Variants in AADACL4 observed in about 807,000 individuals in gnomAD.
AADACL4 encodes arylacetamide deacetylase-like 4.
In AADACL4, 9 loss-of-function variants were observed where a neutral mutation model predicts 14.1. That is an observed-to-expected ratio of 0.64 (90% CI 0.39 to 1.12). The LOEUF is 1.12. Among genes scored for constraint, AADACL4 ranks in the 50% most tolerant of loss-of-function variants. The pLI, the probability that AADACL4 is intolerant of heterozygous loss-of-function variation, is 0.01. For missense variants in AADACL4, 531 were observed against 516.1 expected, an observed-to-expected ratio of 1.03 and a Z score of -0.28; for synonymous variants, 188 against 201.6, an observed-to-expected ratio of 0.93 and a Z score of 0.57.
rs777508203 is a variant in AADACL4 at position 12,666,008 on chromosome 1, G to C, written c.497G>C (p.Cys166Ser). 17 of 1,613,930 alleles carry C rather than the reference G, an allele frequency of 1.1e-5. No individual in the cohort carries two copies. In the South Asian group the frequency reaches 1.9e-4, roughly 18 times the overall value. The change falls in exon 4 of 4, where the codon TGC (cysteine) becomes TCC (serine). Residue 166 changes from cysteine (C) to serine (S), a missense_variant. By Grantham distance (112) the Cys-to-Ser change is moderately radical (BLOSUM62 -1). Transcript: ENST00000376221. ...DHHSPALFQD[C>S]MNASIHFLKA... ...CATTCCCCTGCCCTTTTCCAAGACT[G>C]CATGAATGCCTCCATTCACTTCCTG...
chr1:12,644,850 G>A (rs1647099900), intron 1 of AADACL4, 136 bp downstream of exon 1: 2 of 982,930 alleles, frequency 2.0e-6, no homozygotes, highest in Admixed American at 4.7e-5. Context: ...TGTCTCTTCT[G>A]TATCTGCTAT....
Position 12,666,983 on chromosome 1 carries a change from T to A in AADACL4, c.*248T>A. The A allele has an allele frequency of 2.1e-6, 1 of 473,324 alleles. No homozygotes were observed. Among genetic ancestry groups the A allele is most frequent in the Non-Finnish European group, 3.7e-6 (1 of 272,612 alleles). The allele number at this position is 473,324 out of a possible 1,614,324, so 29.3% of individuals were successfully genotyped here. A position where few individuals can be genotyped will look rare whatever the true frequency, so the allele number is the denominator to read the frequency against. On this transcript the variant is annotated 3_prime_UTR_variant, in exon 4 of 4. Coordinates refer to ENST00000376221, the MANE Select transcript of AADACL4 (RefSeq NM_001013630.2). ...ACATTCTCTAACATTCCCATTTAGGTGAAATAAATATCAAAAGGAGAAAAA... is the reference window on the plus strand; with the variant it reads ...ACATTCTCTAACATTCCCATTTAGGAGAAATAAATATCAAAAGGAGAAAAA...
intron 1 of AADACL4, among the ~76,000 whole-genome samples, chr1:12,650,056 T>C (rs905525277): frequency 1.3e-5 from 2 of 152,214 alleles, no homozygotes; most frequent in Non-Finnish European, 2.9e-5. Flanking sequence ...AAGTTAATGA[T>C]CCAAGCCACT....
intron 3 of AADACL4, among the ~76,000 whole-genome samples, chr1:12,664,863 C>T (rs1442118055): frequency 6.6e-6 from 1 of 152,096 alleles, no homozygotes. Flanking sequence ...TTTAAAAGCT[C>T]ATTTTAAAGT....
intron 2 of AADACL4, among the ~76,000 whole-genome samples, chr1:12,659,170 G>C (rs980413883): frequency 1.2e-4 from 18 of 152,140 alleles, no homozygotes; most frequent in African/African-American, 4.3e-4. Flanking sequence ...ACCTGGTGGT[G>C]GGAGTGACGA....
chr1:12,662,681 A>G (rs1228167252), intron 3 of AADACL4, among the ~76,000 whole-genome samples: 1 of 152,208 alleles, frequency 6.6e-6, no homozygotes, highest in East Asian at 1.9e-4. Context: ...CTGCCTTTTT[A>G]GATTCTACCT....
chr1:12,652,227 C>T (rs545112340), intron 2 of AADACL4, among the ~76,000 whole-genome samples: 12 of 152,146 alleles, frequency 7.9e-5, no homozygotes, highest in Admixed American at 2.0e-4. Context: ...CAGCCTCACC[C>T]GGGTCACCTG....
chr1:12,650,939 T>G (rs183128761), intron 1 of AADACL4, among the ~76,000 whole-genome samples, 184 bp from the exon 2 acceptor site: 2 of 152,284 alleles, frequency 1.3e-5, no homozygotes, highest in East Asian at 3.9e-4. Context: ...GGGAGAAAAG[T>G]TGGAAAACCC....
At chr1:12,655,686 C>A (rs986541457) in intron 2 of AADACL4, among the ~76,000 whole-genome samples, 2 of 152,100 alleles carry the variant, frequency 1.3e-5, no homozygotes, top group African/African-American at 2.4e-5. Context: ...GGATGGCTAT[C>A]ATTTGGGCTT....
At chr1:12,644,750 G>T (rs975204985) in intron 1 of AADACL4, 36 bp downstream of exon 1, 1 of 1,602,846 alleles carries the variant, frequency 6.2e-7, no homozygotes, top group Non-Finnish European at 8.5e-7. Context: ...TAACCTGGGG[G>T]CTTCTTCTCT....
intron 1 of AADACL4, among the ~76,000 whole-genome samples, chr1:12,649,369 G>A (rs1308792447): frequency 6.6e-6 from 1 of 152,202 alleles, no homozygotes; most frequent in Non-Finnish European, 1.5e-5. Flanking sequence ...GACAGCTGGG[G>A]AGATTAGTGC....
chr1:12,644,528 T>A lies in AADACL4; in HGVS notation c.-19T>A. ...CAGACAAGCTCCTCAGGGCAGCAGC[T>A]CCTCAAGGCCCCAGGAACATGGCTG... is the stretch of plus-strand genomic sequence containing the variant. On this transcript the variant is annotated 5_prime_UTR_variant, in exon 1 of 4. Transcript: ENST00000376221. 1 of 1,612,300 alleles carries A rather than the reference T, an allele frequency of 6.2e-7. No homozygotes were observed. The highest frequency in any genetic ancestry group is 1.1e-5 in the South Asian group (1 of 90,826).
intron 3 of AADACL4, among the ~76,000 whole-genome samples, chr1:12,665,678 A>G (rs1399162563): frequency 6.6e-6 from 1 of 152,168 alleles, no homozygotes; most frequent in African/African-American, 2.4e-5. Flanking sequence ...TTTTGCTCCC[A>G]AAGCAAATAG....
At chr1:12,665,825 A>G in intron 3 of AADACL4, 136 bp from the exon 4 acceptor site, 1 of 1,008,178 alleles carries the variant, frequency 9.9e-7, no homozygotes, top group Non-Finnish European at 1.4e-6. Flanking sequence ...CAATGGGGAT[A>G]AAATCCTTAT....
intron 2 of AADACL4, among the ~76,000 whole-genome samples, chr1:12,661,399 T>C (rs995877708): frequency 2.6e-5 from 4 of 152,214 alleles, no homozygotes; most frequent in African/African-American, 9.6e-5. Flanking sequence ...ACTCTACTCA[T>C]AGAAACATCC....
At chr1:12,649,346 G>C (rs1252182224) in intron 1 of AADACL4, among the ~76,000 whole-genome samples, 1 of 152,194 alleles carries the variant, frequency 6.6e-6, no homozygotes, top group Non-Finnish European at 1.5e-5. Context: ...ACAGTGTGTG[G>C]GCAAACAGGG....
chr1:12,656,456 C>T (rs1164091440), intron 2 of AADACL4, among the ~76,000 whole-genome samples: 3 of 152,178 alleles, frequency 2.0e-5, no homozygotes, highest in Non-Finnish European at 2.9e-5. Flanking sequence ...TCCATCTGAA[C>T]ATTTACCACC....
intron 1 of AADACL4, among the ~76,000 whole-genome samples, chr1:12,648,305 G>A (rs1445516844): frequency 6.6e-6 from 1 of 151,866 alleles, no homozygotes. Flanking sequence ...TGCAATATTT[G>A]TCAAGGAGTT....
Position 12,665,220 on chromosome 1 carries a change from AT to A in AADACL4, c.450-733del, listed in dbSNP as rs201839091. ...CCAATTCTTTTAAATTAGATTTTTG[AT>A]TTTTTTTCGTTTTGTTTTTGAGATG... On this transcript the variant is annotated intron_variant, in intron 3 of 3. Coordinates refer to ENST00000376221, the MANE Select transcript of AADACL4 (RefSeq NM_001013630.2). 8.6e-5 allele frequency among the ~76,000 whole-genome samples: 13 copies of A among 150,660 alleles called. 1 individual carries two copies. The highest frequency in any genetic ancestry group is 1.8e-4 in the Non-Finnish European group (12 of 67,672).
Sources: gnomAD v4.1 joint callset for allele counts (sites outside exome capture counted in the v4.1 genomes callset) on GRCh38, gnomAD v4.1.1 for gene constraint, MANE v1.5 for transcripts, NCBI Gene and HGNC (gene_info 2026-07-23, HGNC 2026-07-21) for gene names.